Variants in GRM7 observed in about 807,000 individuals in gnomAD.
GRM7 encodes metabotropic glutamate receptor 7.
Under a neutral mutation model 84.5 loss-of-function variants are expected in GRM7, and 35 were observed. The ratio of observed to expected loss-of-function variants is 0.41; its 90% CI spans 0.32 to 0.55. GRM7 has a LOEUF of 0.55. GRM7 is among the 20% of genes least tolerant of loss of function. The pLI is 0.19. For missense variants in GRM7, 1,003 were observed against 1,194.6 expected (o/e 0.84, Z 2.36); for synonymous variants, 487 against 455.1 (o/e 1.07, Z -0.89).
At chr3:7,434,564 T>C (rs1389223180) in intron 5 of GRM7, among the ~76,000 whole-genome samples, 1 of 152,216 alleles carries the variant, frequency 6.6e-6, no homozygotes, top group Non-Finnish European at 1.5e-5. Context: ...GATAATACTA[T>C]TTTTATTTTT....
chr3:7,644,644 G>A (rs375966329), intron 8 of GRM7, among the ~76,000 whole-genome samples: 2 of 152,172 alleles, frequency 1.3e-5, no homozygotes, highest in African/African-American at 2.4e-5. Context: ...GTAGTCCTGG[G>A]AATGTTAGCT....
intron 2 of GRM7, among the ~76,000 whole-genome samples, chr3:7,266,325 A>T (rs1451367081): frequency 6.6e-6 from 1 of 152,234 alleles, no homozygotes; most frequent in Non-Finnish European, 1.5e-5. Context: ...TGAATATACC[A>T]TGCTTGACAG....
At chr3:6,922,634 A>G (rs1041285999) in intron 1 of GRM7, among the ~76,000 whole-genome samples, 2 of 152,232 alleles carry the variant, frequency 1.3e-5, no homozygotes, top group African/African-American at 4.8e-5. Context: ...AGAACCTATA[A>G]CATACATATA....
chr3:7,269,665 T>C (rs1186533643), intron 2 of GRM7, among the ~76,000 whole-genome samples: 2 of 152,330 alleles, frequency 1.3e-5, no homozygotes, highest in South Asian at 4.1e-4. Context: ...TGCATGAAGA[T>C]TCTGCTCCTT....
At chr3:7,208,153 C>A (rs138037996) in intron 2 of GRM7, among the ~76,000 whole-genome samples, 2 of 152,184 alleles carry the variant, frequency 1.3e-5, no homozygotes, top group East Asian at 3.8e-4. Context: ...GCCACCCATT[C>A]GATACCTCTC....
intron 4 of GRM7, among the ~76,000 whole-genome samples, chr3:7,408,071 G>A (rs1468984459): frequency 1.3e-5 from 2 of 152,082 alleles, no homozygotes; most frequent in Non-Finnish European, 2.9e-5. Context: ...AACTTCGACC[G>A]GTTAGCTCAT....
Position 7,082,115 on chromosome 3 carries a change from TA to T in GRM7, c.520-64333del, listed in dbSNP as rs746387026. 9.5e-4 allele frequency among the ~76,000 whole-genome samples: 144 copies of T among 152,242 alleles called. 1 individual carries two copies. The highest frequency in any genetic ancestry group is 1.8e-4 in the Non-Finnish European group (12 of 68,002). On this transcript the variant is annotated intron_variant, in intron 1 of 9. Coordinates refer to ENST00000357716, the MANE Select transcript of GRM7 (RefSeq NM_000844.4). The stretch of plus-strand genomic sequence containing the variant: ...CTAAACAACATATTTTCAATGCAGA[TA>T]AAACAGGCTCCTGTTGGAAGAAGAT...
At chr3:7,677,481 A>G (rs1023160925) in intron 8 of GRM7, among the ~76,000 whole-genome samples, 3 of 152,144 alleles carry the variant, frequency 2.0e-5, no homozygotes, top group Non-Finnish European at 4.4e-5. Flanking sequence ...AATTGAACTC[A>G]GATAGACTAG....
chr3:7,714,327 T>C (rs572613136), intron 9 of GRM7, among the ~76,000 whole-genome samples: 1 of 152,338 alleles, frequency 6.6e-6, no homozygotes, highest in Admixed American at 6.5e-5. Context: ...TCTTCAGTTA[T>C]CTCAACTTCC....
At chr3:7,315,062 A>T (rs2125046121) in intron 4 of GRM7, among the ~76,000 whole-genome samples, 1 of 152,176 alleles carries the variant, frequency 6.6e-6, no homozygotes, top group African/African-American at 2.4e-5. Context: ...GTGTCTTGTC[A>T]GAGATTTCTC....
At chr3:7,051,369 G>A (rs1696993261) in intron 1 of GRM7, among the ~76,000 whole-genome samples, 1 of 151,670 alleles carries the variant, frequency 6.6e-6, no homozygotes, top group African/African-American at 2.4e-5. Context: ...GCTCAACTGG[G>A]CAGGACAGCA....
intron 1 of GRM7, among the ~76,000 whole-genome samples, chr3:7,027,555 G>A (rs930141671): frequency 2.6e-5 from 4 of 151,524 alleles, no homozygotes; most frequent in African/African-American, 7.3e-5. Context: ...TACCTTTTTT[G>A]TTTTTCTTTT....
chr3:7,585,350 T>C (rs1695471724), intron 8 of GRM7, among the ~76,000 whole-genome samples: 1 of 152,202 alleles, frequency 6.6e-6, no homozygotes, highest in African/African-American at 2.4e-5. Context: ...CTTGGGATGG[T>C]GCAGTCGTTT....
chr3:7,162,729 A>ATTTTTTTTTTTTTTTTTT lies in GRM7; in HGVS notation c.736+16092_736+16109dup, dbSNP rs71063284. Among the ~76,000 whole-genome samples the ATTTTTTTTTTTTTTTTTT allele has an allele frequency of 1.3e-4, 7 of 54,716 alleles. 1 individual carries two copies. Among genetic ancestry groups the ATTTTTTTTTTTTTTTTTT allele is most frequent in the East Asian group, 1.3e-3 (2 of 1,520 alleles). The allele number at this position is 54,716 out of a possible 152,430, so 35.9% of individuals were successfully genotyped here. On this transcript the variant is annotated intron_variant, in intron 2 of 9. Coordinates refer to ENST00000357716, the MANE Select transcript of GRM7 (RefSeq NM_000844.4). Reference sequence around the variant, plus strand: ...CAATCTCCCATTACTCCCATTTTTCATTTTTTTTTTTTTTTTTTTTTTTTT... The same window carrying ATTTTTTTTTTTTTTTTTT: ...CAATCTCCCATTACTCCCATTTTTCATTTTTTTTTTTTTTTTTTTTTTTTTTTTTTTTTTTTTTTTTTT...
At chr3:7,634,544 G>C (rs931379687) in intron 8 of GRM7, among the ~76,000 whole-genome samples, 4 of 136,532 alleles carry the variant, frequency 2.9e-5, no homozygotes, top group Admixed American at 2.4e-4. Flanking sequence ...CCAGCACTTT[G>C]GGAGGCCGAG....
At chr3:6,867,524 C>A (rs933804551) in intron 1 of GRM7, among the ~76,000 whole-genome samples, 5 of 152,058 alleles carry the variant, frequency 3.3e-5, no homozygotes, top group African/African-American at 1.2e-4. Context: ...TTGTTGATAT[C>A]CCCAGGGCAC....
At chr3:7,673,616 A>C (rs940784590) in intron 8 of GRM7, among the ~76,000 whole-genome samples, 2 of 152,142 alleles carry the variant, frequency 1.3e-5, no homozygotes, top group African/African-American at 4.8e-5. Context: ...TAAATGTATC[A>C]CTTTACCTGA....
chr3:6,891,418 A>G (rs963042035), intron 1 of GRM7, among the ~76,000 whole-genome samples: 22 of 152,156 alleles, frequency 1.4e-4, no homozygotes, highest in African/African-American at 4.8e-4. Context: ...GCTCTTTTAG[A>G]GCAGGCCTGG....
intron 1 of GRM7, among the ~76,000 whole-genome samples, chr3:7,064,875 G>A (rs1450030206): frequency 6.6e-6 from 1 of 151,412 alleles, no homozygotes; most frequent in Admixed American, 6.6e-5. Flanking sequence ...TTTGATTATG[G>A]CCATTTTTGC....
Sources: gnomAD v4.1 joint callset for allele counts (sites outside exome capture counted in the v4.1 genomes callset) on GRCh38, gnomAD v4.1.1 for gene constraint, MANE v1.5 for transcripts, NCBI Gene and HGNC (gene_info 2026-07-23, HGNC 2026-07-21) for gene names.